The following PLG variants were observed in gnomAD, a reference collection of about 807,000 sequenced individuals.
PLG encodes plasminogen, also known as plasmin.
A neutral mutation model predicts 104.4 loss-of-function variants in PLG; 41 were observed. The ratio of observed to expected loss-of-function variants is 0.39; its 90% CI spans 0.31 to 0.51. The LOEUF (loss-of-function observed/expected upper bound fraction) is 0.51. Among genes scored for constraint, PLG ranks in the 20% least tolerant of loss-of-function variants. PLG has a pLI of 0.76. For missense variants in PLG, 891 were observed against 1,003.6 expected, an observed-to-expected ratio of 0.89 and a Z score of 1.52; for synonymous variants, 337 against 357.1, an observed-to-expected ratio of 0.94 and a Z score of 0.63.
chr6:160,721,149 A>G (rs1777821739), intron 9 of PLG, among the ~76,000 whole-genome samples: 1 of 152,136 alleles, frequency 6.6e-6, no homozygotes, highest in African/African-American at 2.4e-5. Context: ...CCTTTAACAT[A>G]CTAATGTAGG....
chr6:160,748,403 A>AAAAGAAAGAAAGG (rs1554252971), intron 17 of PLG, among the ~76,000 whole-genome samples: 1 of 74,002 alleles, frequency 1.4e-5, no homozygotes, highest in Non-Finnish European at 2.7e-5. Context: ...AAAGAAAGGA[A>AAAAGAAAGAAAGG]GAAAGAAAGA....
rs117388368 is a variant in PLG, at chr6:160,723,329, A to T, written c.1256+762A>T. ...ATTAGATGAACAGAAAACCAGGTCT[A>T]ACAAGGACAGCTTTTCTTCCATAAA... On this transcript the variant is annotated intron_variant, in intron 10 of 18. Coordinates refer to ENST00000308192, the MANE Select transcript of PLG (RefSeq NM_000301.5). This position sits in a 1 kb window ranked among gnomAD's most constrained non-coding sequence, Gnocchi z 4.7. 1.4e-3 allele frequency among the ~76,000 whole-genome samples: 220 copies of T among 152,344 alleles called. 5 individuals carry two copies. In the East Asian group the frequency reaches 0.035, roughly 24 times the overall value.
chr6:160,733,552 A>AG (rs1005532547), intron 12 of PLG, among the ~76,000 whole-genome samples: 18 of 151,478 alleles, frequency 1.2e-4, no homozygotes, highest in African/African-American at 4.1e-4. Context: ...ATAGAAAGGA[A>AG]GAAGAGGCTG....
intron 7 of PLG, among the ~76,000 whole-genome samples, chr6:160,717,111 G>C (rs1777746374): frequency 6.6e-6 from 1 of 151,954 alleles, no homozygotes; most frequent in Admixed American, 6.6e-5. Context: ...TTTTCAACCA[G>C]AGTTCTAATA....
chr6:160,752,810 A>G lies in PLG; in HGVS notation c.2272-90A>G. On this transcript the variant is annotated intron_variant, in intron 18 of 18. Transcript: ENST00000308192. The surrounding 1 kb of genome is among the most constrained non-coding windows in gnomAD (Gnocchi z 4.7). ...CCTTTCTGATTTCAATTACTGGGAA[A>G]ATGTATATATGGATAGTAGAAGGAT... 3 of 1,427,850 alleles carry G rather than the reference A, an allele frequency of 2.1e-6. No individual in the cohort carries two copies. The South Asian group carries it at 3.5e-5, about 16-fold the overall frequency. 88.4% of individuals were successfully genotyped at this position (1,427,850 alleles called of 1,614,324 possible). A position where few individuals can be genotyped will look rare whatever the true frequency, so the allele number is the denominator to read the frequency against.
intron 4 of PLG, chr6:160,711,608 T>A: frequency 6.2e-7 from 1 of 1,610,464 alleles, no homozygotes; most frequent in Non-Finnish European, 8.5e-7. Context: ...TTGATGTCGA[T>A]GTTCAACTAT....
rs1225822645 is a variant in PLG at position 160,733,985 on chromosome 6, T to C, written c.1588-10T>C. The C allele has an allele frequency of 1.9e-6, 3 of 1,551,998 alleles. No individual in the cohort carries two copies. The highest frequency in any genetic ancestry group is 4.5e-5 in the East Asian group (2 of 44,506). On this transcript the variant is annotated splice_polypyrimidine_tract_variant and intron_variant, in intron 12 of 18. Transcript: ENST00000308192. ...CGTGAGCTGGAGCTTACATGCCTTCTTGTTTTCAGTACTGCCGTAACCCTG... is the reference window on the plus strand; with the variant it reads ...CGTGAGCTGGAGCTTACATGCCTTCCTGTTTTCAGTACTGCCGTAACCCTG...
In PLG at chr6:160,741,331, A is replaced by G. The variant is rs1778190087; in HGVS notation, c.2039A>G (p.Lys680Arg). Reference protein sequence around the residue: ...KLSSPAVITDKVIPACLPSPN... With the variant: ...KLSSPAVITDRVIPACLPSPN... ...TTCAGTCCTGCCGTCATCACTGACA[A>G]AGTAATCCCAGCTTGTCTGCCATCC... Residue 680 changes from lysine (K) to arginine (R), a missense_variant, in exon 17 of 19, where the codon AAA (lysine) becomes AGA (arginine). Around this residue, in one of 2 missense-constraint regions of PLG, gnomAD observed 854 missense variants for 932.1 expected, o/e 0.92. Coordinates refer to ENST00000308192, the MANE Select transcript of PLG (RefSeq NM_000301.5). The surrounding 1 kb of genome is among the most constrained non-coding windows in gnomAD (Gnocchi z 4.7). 1.2e-6 allele frequency: 2 copies of G among 1,609,746 alleles called. No homozygotes were observed. The highest frequency in any genetic ancestry group is 8.5e-7 in the Non-Finnish European group (1 of 1,176,058).
In PLG at chr6:160,738,482, A is replaced by G. The variant is rs1778126190; in HGVS notation, c.1803-56A>G. 2.9e-6 allele frequency: 3 copies of G among 1,051,496 alleles called. No homozygotes were observed. The highest frequency in any genetic ancestry group is 3.0e-6 in the Non-Finnish European group (2 of 666,110). 65.1% of individuals were successfully genotyped at this position (1,051,496 alleles called of 1,614,324 possible). A position where few individuals can be genotyped will look rare whatever the true frequency, so the allele number is the denominator to read the frequency against. On this transcript the variant is annotated intron_variant, in intron 14 of 18. Coordinates refer to ENST00000308192, the MANE Select transcript of PLG (RefSeq NM_000301.5). The surrounding 1 kb of genome is among the most constrained non-coding windows in gnomAD (Gnocchi z 6.8). ...ACGTGTCTTTCTGGCTTTCTGTACA[A>G]TGGAGCAGAACAAAGTATCAATTTA...
At chr6:160,712,756 GCTCT>G (rs1777666699) in intron 4 of PLG, among the ~76,000 whole-genome samples, 1 of 152,084 alleles carries the variant, frequency 6.6e-6, no homozygotes, top group Admixed American at 6.5e-5. Flanking sequence ...AAATATTTTG[GCTCT>G]CTAAGACTTG....
At chr6:160,718,554 C>A in intron 8 of PLG, 98 bp downstream of exon 8, 2 of 1,365,984 alleles carry the variant, frequency 1.5e-6, no homozygotes, top group African/African-American at 1.4e-5. Context: ...ATAAAGTATT[C>A]TGGAAGAAAA....
At chr6:160,722,349 C>A in intron 9 of PLG, 59 bp from the exon 10 acceptor site, 1 of 1,311,712 alleles carries the variant, frequency 7.6e-7, no homozygotes, top group Non-Finnish European at 1.1e-6. Flanking sequence ...TCATAAATTG[C>A]TTCATGCTTC....
chr6:160,747,516 G>A (rs783182), intron 17 of PLG, among the ~76,000 whole-genome samples: 81,259 of 151,990 alleles, frequency 0.53, 22,598 homozygotes, highest in East Asian at 0.98. Context: ...GACTAGGCAC[G>A]TTACCTCTTT....
intron 3 of PLG, among the ~76,000 whole-genome samples, chr6:160,710,528 T>A (rs1777621818): frequency 6.6e-6 from 1 of 151,856 alleles, no homozygotes; most frequent in African/African-American, 2.4e-5. Context: ...GGTTGAGAAC[T>A]TTTACTGCAA....
In PLG at chr6:160,752,831, A is replaced by G; in HGVS notation, c.2272-69A>G. ...GGAAAATGTATATATGGATAGTAGA[A>G]GGATGGCATCCCATAATAAAAGGCA... On this transcript the variant is annotated intron_variant, in intron 18 of 18. Coordinates refer to ENST00000308192, the MANE Select transcript of PLG (RefSeq NM_000301.5). This position sits in a 1 kb window ranked among gnomAD's most constrained non-coding sequence, Gnocchi z 4.7. 1 of 1,520,796 alleles carries G rather than the reference A, an allele frequency of 6.6e-7. No individual in the cohort carries two copies. Among genetic ancestry groups the G allele is most frequent in the Non-Finnish European group, 9.1e-7 (1 of 1,095,306 alleles). The allele number at this position is 1,520,796 out of a possible 1,614,324, so 94.2% of individuals were successfully genotyped here.
At chr6:160,717,141 G>C (rs1228237642) in intron 7 of PLG, among the ~76,000 whole-genome samples, 2 of 151,762 alleles carry the variant, frequency 1.3e-5, no homozygotes, top group African/African-American at 4.8e-5. Flanking sequence ...TAAACAAAGA[G>C]TGTCTTTGTT....
intron 3 of PLG, among the ~76,000 whole-genome samples, chr6:160,709,960 C>T (rs1419739687): frequency 6.6e-5 from 10 of 152,154 alleles, no homozygotes; most frequent in Admixed American, 1.3e-4. Flanking sequence ...CACCTTTTGA[C>T]GTAGAGCAGA....
chr6:160,733,323 G>A (rs2115175190), intron 12 of PLG, among the ~76,000 whole-genome samples: 1 of 152,204 alleles, frequency 6.6e-6, no homozygotes, highest in East Asian at 1.9e-4. Context: ...GCCCTCCAGG[G>A]ACAATGCACA....
At chr6:160,715,760 G>C (rs1777716826) in intron 6 of PLG, among the ~76,000 whole-genome samples, 1 of 152,216 alleles carries the variant, frequency 6.6e-6, no homozygotes, top group Non-Finnish European at 1.5e-5. Context: ...AAACACAGCA[G>C]CTGCCATTTT....
Sources: gnomAD v4.1 joint callset for allele counts (sites outside exome capture counted in the v4.1 genomes callset) on GRCh38, gnomAD v4.1.1 for gene constraint, gnomAD v4.1.1 regional missense constraint, Gnocchi (gnomAD v3.1) non-coding constraint, MANE v1.5 for transcripts, NCBI Gene and HGNC (gene_info 2026-07-23, HGNC 2026-07-21) for gene names.